Variants in RSRP1 observed in about 807,000 individuals in gnomAD.
RSRP1 encodes the protein arginine and serine rich protein 1, also known as arginine/serine-rich protein 1.
Under a neutral mutation model 33.0 loss-of-function variants are expected in RSRP1, and 37 were observed. The observed-to-expected ratio is 1.12, with a 90% confidence interval of 0.86 to 1.48. The LOEUF (loss-of-function observed/expected upper bound fraction) is 1.48. Among genes scored for constraint, RSRP1 ranks in the 40% most tolerant of loss-of-function variants. RSRP1 has a pLI of 0.00. For synonymous variants in RSRP1, 167 were observed against 158.7 expected (o/e 1.05, Z -0.40); for missense variants, 402 against 385.3 (o/e 1.04, Z -0.36).
At chr1:25,316,632 A>G (rs1168951384) in intron 1 of RSRP1, among the ~76,000 whole-genome samples, 24 of 120,454 alleles carry the variant, frequency 2.0e-4, no homozygotes, top group African/African-American at 6.3e-4. Context: ...AAAAAAAAAA[A>G]AAAAGAGAGA....
intron 1 of RSRP1, among the ~76,000 whole-genome samples, chr1:25,274,863 T>A (rs1451850982): frequency 8.0e-6 from 1 of 125,498 alleles, no homozygotes; most frequent in Admixed American, 7.7e-5. Flanking sequence ...AAAAACTGGC[T>A]GGGTGTGGTG....
Position 25,269,933 on chromosome 1 carries a change from C to T in RSRP1, c.-66-22904G>A, listed in dbSNP as rs148168958. Among the ~76,000 whole-genome samples, 88 of 132,046 alleles carry T rather than the reference C, an allele frequency of 6.7e-4. 10 individuals carry two copies. The highest frequency in any genetic ancestry group is 2.1e-3 in the African/African-American group (80 of 38,624). 86.6% of individuals were successfully genotyped at this position (132,046 alleles called of 152,430 possible). On this transcript the variant is annotated intron_variant, in intron 1 of 1. Coordinates refer to the RSRP1 transcript ENST00000561867. ...CCGTTTGCCAGCTGGTAAACATGCC[C>T]ATCAGGTCCGGGGGTTGGCATTGCC...
chr1:25,246,495 T>TGTC lies in RSRP1; in HGVS notation c.466_468dup (p.Asp156dup). The stretch of plus-strand genomic sequence containing the variant: ...CTGCTCCGCGACCTCGTCCTGGATC[T>TGTC]GTCCCTCCATCTGCTGTGCTCCTCC... On this transcript the variant is annotated inframe_insertion, in exon 2 of 5. Coordinates refer to ENST00000243189, the MANE Select transcript of RSRP1 (RefSeq NM_020317.5). 1 of 1,614,256 alleles carries TGTC rather than the reference T, an allele frequency of 6.2e-7. No individual in the cohort carries two copies. Among genetic ancestry groups the TGTC allele is most frequent in the Non-Finnish European group, 8.5e-7 (1 of 1,180,044 alleles).
Position 25,282,274 on chromosome 1 carries a change from G to A in RSRP1, c.-66-35245C>T, listed in dbSNP as rs533852489. Reference sequence around the variant, plus strand: ...TTTTGAGACAGAGTCTCACTGTGTCGCCCAGGCTGGAGTGCAGTGGTGCGG... The same window carrying A: ...TTTTGAGACAGAGTCTCACTGTGTCACCCAGGCTGGAGTGCAGTGGTGCGG... On this transcript the variant is annotated intron_variant, in intron 1 of 1. Transcript: ENST00000561867. 2.4e-4 allele frequency among the ~76,000 whole-genome samples: 31 copies of A among 131,202 alleles called. 4 individuals are homozygous for A. The highest frequency in any genetic ancestry group is 6.0e-4 in the African/African-American group (23 of 38,636). The allele number at this position is 131,202 out of a possible 152,430, so 86.1% of individuals were successfully genotyped here. A position where few individuals can be genotyped will look rare whatever the true frequency, so the allele number is the denominator to read the frequency against.
chr1:25,243,265 A>G (rs1557480190), intron 4 of RSRP1, among the ~76,000 whole-genome samples: 1 of 152,212 alleles, frequency 6.6e-6, no homozygotes, highest in African/African-American at 2.4e-5. Flanking sequence ...ATTTTAAAAC[A>G]TTGTGATTAA....
intron 1 of RSRP1, among the ~76,000 whole-genome samples, chr1:25,274,687 ACATTG>A (rs1392672797): frequency 2.2e-5 from 3 of 133,772 alleles, no homozygotes; most frequent in South Asian, 2.3e-4. Context: ...CCTGGGCTTA[ACATTG>A]CATTGCCCTG....
chr1:25,258,085 TGTG>T (rs386629652), intron 1 of RSRP1, among the ~76,000 whole-genome samples: 2 of 152,188 alleles, frequency 1.3e-5, no homozygotes, highest in Non-Finnish European at 2.9e-5. Context: ...GCTTCCAGGA[TGTG>T]GGGGCAGAGT....
chr1:25,259,964 A>G (rs901213006), intron 1 of RSRP1, among the ~76,000 whole-genome samples: 2 of 151,906 alleles, frequency 1.3e-5, no homozygotes, highest in Admixed American at 6.6e-5. Context: ...GCTCTTCTGA[A>G]GGCTGATACG....
intron 1 of RSRP1, among the ~76,000 whole-genome samples, chr1:25,331,030 G>C (rs28512306): frequency 0.92 from 98,840 of 106,912 alleles, 46,911 homozygotes; most frequent in East Asian, 1. Flanking sequence ...GTGGCCCGAT[G>C]GATCTCGGCT....
intron 1 of RSRP1, among the ~76,000 whole-genome samples, chr1:25,336,826 G>A (rs1320602343): frequency 6.7e-6 from 1 of 149,456 alleles, no homozygotes; most frequent in African/African-American, 2.6e-5. Flanking sequence ...TGGTAAGAAC[G>A]TGTCCATTTA....
intron 1 of RSRP1, 69 bp from the exon 2 acceptor site, chr1:25,247,098 G>A (rs1418408084): frequency 1.0e-5 from 10 of 993,428 alleles, no homozygotes; most frequent in Non-Finnish European, 1.4e-5. Flanking sequence ...GGAAGCCACA[G>A]TCGGGGAACC....
At chr1:25,315,501 CT>C (rs1189263980) in intron 1 of RSRP1, among the ~76,000 whole-genome samples, 122 of 114,026 alleles carry the variant, frequency 1.1e-3, no homozygotes, top group Admixed American at 1.5e-3. Context: ...TTCTTTCTTT[CT>C]TTTTTTTTTT....
At position 25,315,993 on chromosome 1, in the gene RSRP1, A is replaced by G. The variant is rs1283101049; in HGVS notation, c.-67+21985T>C. 6.1e-5 allele frequency among the ~76,000 whole-genome samples: 8 copies of G among 131,328 alleles called. 3 individuals carry two copies. Among genetic ancestry groups the G allele is most frequent in the Non-Finnish European group, 1.8e-5 (1 of 55,688 alleles). 86.2% of individuals were successfully genotyped at this position (131,328 alleles called of 152,430 possible). On this transcript the variant is annotated intron_variant, in intron 1 of 1. Coordinates refer to the RSRP1 transcript ENST00000561867. Reference sequence around the variant, plus strand: ...CTTGGAGCTTTGCTTTGTCTTAAAAATGAGAACATGAGCTGCCCACCTGTT... The same window carrying G: ...CTTGGAGCTTTGCTTTGTCTTAAAAGTGAGAACATGAGCTGCCCACCTGTT...
At position 25,292,373 on chromosome 1, in the gene RSRP1, G is replaced by A. The variant is rs1415490946; in HGVS notation, c.-66-45344C>T. The stretch of plus-strand genomic sequence containing the variant: ...GAAGCAGGTGGAGACCAGAGCGGCA[G>A]TGATTGCCATCATCCAGACTCAGAC... On this transcript the variant is annotated intron_variant, in intron 1 of 1. Transcript: ENST00000561867. Among the ~76,000 whole-genome samples, 5 of 132,706 alleles carry A rather than the reference G, an allele frequency of 3.8e-5. 1 individual carries two copies. The East Asian group carries it at 9.8e-4, about 26-fold the overall frequency. The allele number at this position is 132,706 out of a possible 152,430, so 87.1% of individuals were successfully genotyped here.
chr1:25,261,617 GA>G (rs1245138747), intron 1 of RSRP1, among the ~76,000 whole-genome samples: 1 of 151,480 alleles, frequency 6.6e-6, no homozygotes, highest in African/African-American at 2.4e-5. Context: ...TGTTAGCCAG[GA>G]TGGTCTCAAT....
At chr1:25,253,962 G>A (rs546809952) in intron 1 of RSRP1, 1 of 152,350 alleles carries the variant, frequency 6.6e-6, no homozygotes, top group East Asian at 1.9e-4. Context: ...AAGGAGCTCT[G>A]AGTGATTTTG....
intron 3 of RSRP1, chr1:25,244,016 A>T: frequency 3.4e-6 from 4 of 1,190,024 alleles, no homozygotes; most frequent in Non-Finnish European, 4.2e-6. Context: ...TACTGAGCAA[A>T]CCCACATCTG....
intron 3 of RSRP1, chr1:25,244,290 G>A (rs1369441947): frequency 7.8e-7 from 1 of 1,288,514 alleles, no homozygotes; most frequent in Non-Finnish European, 1.0e-6. Flanking sequence ...GTTACAACGT[G>A]TACCTTTGCT....
chr1:25,247,125 A>T, intron 1 of RSRP1, 96 bp from the exon 2 acceptor site: 1 of 799,326 alleles, frequency 1.3e-6, no homozygotes, highest in Non-Finnish European at 1.8e-6. Context: ...AGGCGGAGCC[A>T]CGGCGCGGGC....
Sources: gnomAD v4.1 joint callset for allele counts (sites outside exome capture counted in the v4.1 genomes callset) on GRCh38, gnomAD v4.1.1 for gene constraint, MANE v1.5 for transcripts, NCBI Gene and HGNC (gene_info 2026-07-23, HGNC 2026-07-21) for gene names.